NEBL: variants seen among roughly 807,000 people sequenced by gnomAD.
NEBL encodes the protein nebulette.
Under a neutral mutation model 140.2 loss-of-function variants are expected in NEBL, and 122 were observed. The ratio of observed to expected loss-of-function variants is 0.87; its 90% confidence interval spans 0.75 to 1.01. The LOEUF is 1.01. Among genes scored for constraint, NEBL ranks in the 50% least tolerant of loss-of-function variants. The pLI, the probability that NEBL is intolerant of heterozygous loss-of-function variation, is 0.00. For synonymous variants in NEBL, 436 were observed against 398.9 expected (o/e 1.09, Z -1.11); for missense variants, 1,365 against 1,231.3 (o/e 1.11, Z -1.62).
intron 3 of NEBL, among the ~76,000 whole-genome samples, chr10:21,190,961 T>C (rs2132216685): frequency 6.6e-6 from 1 of 152,362 alleles, no homozygotes; most frequent in African/African-American, 2.4e-5. Context: ...AATAGAACAT[T>C]TCCAGAAAGG....
chr10:21,204,713 C>T (rs937976205), intron 3 of NEBL, among the ~76,000 whole-genome samples: 1 of 152,216 alleles, frequency 6.6e-6, no homozygotes, highest in Non-Finnish European at 1.5e-5. Context: ...CTCCATGACA[C>T]CCAGCCTGCC....
In NEBL at chr10:21,087,763, G is replaced by A. The variant is rs111513556; in HGVS notation, c.165-67562C>T. Among the ~76,000 whole-genome samples the A allele has an allele frequency of 1.4e-4, 21 of 152,150 alleles. 1 individual carries two copies. The highest frequency in any genetic ancestry group is 4.1e-4 in the African/African-American group (17 of 41,484). The stretch of plus-strand genomic sequence containing the variant: ...CACCCTAGTTTGCAGCCCTGACCTC[G>A]GTATAATTGAGATTTTACAATATTT... On this transcript the variant is annotated intron_variant, in intron 2 of 6. Transcript: ENST00000417816.
At chr10:20,797,534 G>A (rs916490830) in intron 26 of NEBL, among the ~76,000 whole-genome samples, 1 of 152,116 alleles carries the variant, frequency 6.6e-6, no homozygotes, top group African/African-American at 2.4e-5. Context: ...ATATAAAACT[G>A]ACTCGATGTG....
chr10:21,133,080 T>C (rs1003961061), intron 2 of NEBL, among the ~76,000 whole-genome samples: 8 of 152,238 alleles, frequency 5.3e-5, no homozygotes, highest in African/African-American at 1.7e-4. Flanking sequence ...TACTCTGTTT[T>C]CCTCTTAGAG....
intron 26 of NEBL, among the ~76,000 whole-genome samples, chr10:20,798,123 A>G (rs907854132): frequency 1.3e-5 from 2 of 151,898 alleles, no homozygotes; most frequent in Non-Finnish European, 2.9e-5. Flanking sequence ...AAAAAAAAAA[A>G]AAATGTAGCA....
Position 20,812,960 on chromosome 10 carries a change from C to T in NEBL, c.2347-20G>A. On this transcript the variant is annotated intron_variant, in intron 23 of 27. Transcript: ENST00000377122. Reference sequence around the variant, plus strand: ...TTTTACCTGAAAAAGGAAAAATCATCATACTGAATTTTGCGGATAGTTACC... The same window carrying T: ...TTTTACCTGAAAAAGGAAAAATCATTATACTGAATTTTGCGGATAGTTACC... The T allele has an allele frequency of 6.2e-7, 1 of 1,607,540 alleles. No homozygotes were observed. Among genetic ancestry groups the T allele is most frequent in the African/African-American group, 1.3e-5 (1 of 74,852 alleles).
chr10:20,814,976 C>T (rs779581778), intron 22 of NEBL, among the ~76,000 whole-genome samples: 1 of 152,144 alleles, frequency 6.6e-6, no homozygotes, highest in Non-Finnish European at 1.5e-5. Flanking sequence ...AAGAAAAGGG[C>T]CTGTGTTCTT....
intron 2 of NEBL, among the ~76,000 whole-genome samples, chr10:21,132,343 T>C (rs188764): frequency 0.37 from 56,004 of 152,048 alleles, 11,002 homozygotes; most frequent in African/African-American, 0.5. Flanking sequence ...GTGAATGGTG[T>C]TCCATTGTAT....
chr10:20,781,297 T>A lies in NEBL; in HGVS notation c.*4450A>T, dbSNP rs1027039602. On this transcript the variant is annotated 3_prime_UTR_variant, in exon 28 of 28. Coordinates refer to ENST00000377122, the MANE Select transcript of NEBL (RefSeq NM_006393.3). The stretch of plus-strand genomic sequence containing the variant: ...TGTTTTCTTCAAAACTGTTACACTC[T>A]CAAAGTTAGTCTCGCAAATTAATCA... 4 of 152,614 alleles carry A rather than the reference T, an allele frequency of 2.6e-5. No homozygotes were observed. Among genetic ancestry groups the A allele is most frequent in the African/African-American group, 9.6e-5 (4 of 41,456 alleles). The allele number at this position is 152,614 out of a possible 1,614,324, so 9.5% of individuals were successfully genotyped here. A position where few individuals can be genotyped will look rare whatever the true frequency, so the allele number is the denominator to read the frequency against.
chr10:21,081,680 G>A (rs996765602), intron 2 of NEBL, among the ~76,000 whole-genome samples: 2 of 152,196 alleles, frequency 1.3e-5, no homozygotes, highest in South Asian at 4.2e-4. Flanking sequence ...AAGCATCCTC[G>A]GAGAAGTGAT....
At chr10:20,854,315 A>G (rs1294485109) in intron 9 of NEBL, among the ~76,000 whole-genome samples, 1 of 152,132 alleles carries the variant, frequency 6.6e-6, no homozygotes, top group African/African-American at 2.4e-5. Flanking sequence ...CTTAGGGGAT[A>G]CTCCAGGGAT....
intron 1 of NEBL, among the ~76,000 whole-genome samples, chr10:21,253,730 G>A (rs1842618983): frequency 6.6e-6 from 1 of 151,984 alleles, no homozygotes; most frequent in African/African-American, 2.4e-5. Flanking sequence ...TTTTAGTAGA[G>A]ATGGAGTTTA....
At chr10:20,975,388 G>T (rs150599785) in intron 3 of NEBL, among the ~76,000 whole-genome samples, 185 of 152,146 alleles carry the variant, frequency 1.2e-3, no homozygotes, top group African/African-American at 4.3e-3. Flanking sequence ...TAGTTCATGA[G>T]AGTACAGCTA....
chr10:20,969,179 G>A (rs891137291), intron 3 of NEBL, among the ~76,000 whole-genome samples: 1 of 151,968 alleles, frequency 6.6e-6, no homozygotes, highest in Non-Finnish European at 1.5e-5. Flanking sequence ...TTTTTTTAAG[G>A]TGAAGTTAAT....
rs45562145 is a variant in NEBL, at chr10:20,949,227, C to T, written c.357+12445G>A. Among the ~76,000 whole-genome samples the T allele has an allele frequency of 4.3e-3, 654 of 152,188 alleles. 5 individuals are homozygous for T. Among genetic ancestry groups the T allele is most frequent in the Non-Finnish European group, 7.6e-3 (519 of 68,016 alleles). On this transcript the variant is annotated intron_variant, in intron 4 of 6. Transcript: ENST00000417816. Reference sequence around the variant, plus strand: ...AACCAAACACTGCATGTTCTCATTCCTAAGTGGGAGTCATACAACGAGAAC... The same window carrying T: ...AACCAAACACTGCATGTTCTCATTCTTAAGTGGGAGTCATACAACGAGAAC...
chr10:20,854,478 A>G (rs1281250225), intron 9 of NEBL, among the ~76,000 whole-genome samples: 1 of 152,074 alleles, frequency 6.6e-6, no homozygotes, highest in Admixed American at 6.5e-5. Flanking sequence ...GGGAGCTGCA[A>G]TATATGTTCC....
chr10:20,905,948 G>T (rs969278368), intron 4 of NEBL, among the ~76,000 whole-genome samples: 8 of 152,260 alleles, frequency 5.3e-5, no homozygotes, highest in Non-Finnish European at 1.0e-4. Flanking sequence ...AACTGTGGAA[G>T]CAGCACTACC....
At chr10:21,177,175 C>G (rs183118599), upstream of NEBL, among the ~76,000 whole-genome samples, 1 of 152,324 alleles carries the variant, frequency 6.6e-6, no homozygotes, top group Admixed American at 6.5e-5. Flanking sequence ...TATGTCGTAT[C>G]TGAGCAGAAG....
intron 2 of NEBL, among the ~76,000 whole-genome samples, chr10:21,160,020 C>T (rs1371177963): frequency 6.6e-6 from 1 of 152,120 alleles, no homozygotes; most frequent in African/African-American, 2.4e-5. Context: ...TTTAAATCCT[C>T]GGTAACAATT....
Sources: allele counts gnomAD v4.1 joint callset (sites outside exome capture counted in the v4.1 genomes callset), GRCh38; gene constraint gnomAD v4.1.1; transcripts MANE v1.5; gene names NCBI Gene and HGNC (gene_info 2026-07-23, HGNC 2026-07-21).